Variants in SYNJ2 observed in about 807,000 individuals in gnomAD.
SYNJ2 encodes synaptojanin 2.
In SYNJ2, 116 loss-of-function variants were observed where a neutral mutation model predicts 141.3. The ratio of observed to expected loss-of-function variants is 0.82; its 90% CI spans 0.71 to 0.96. The LOEUF (loss-of-function observed/expected upper bound fraction) is 0.96. SYNJ2 is among the 40% of genes least tolerant of loss of function. The pLI, the probability that SYNJ2 is intolerant of heterozygous loss-of-function variation, is 0.00. For missense variants in SYNJ2, 1,873 were observed against 1,934.8 expected (o/e 0.97, Z 0.60); for synonymous variants, 745 against 777.7 (o/e 0.96, Z 0.70).
chr6:158,084,074 C>G lies in SYNJ2; in HGVS notation c.3108C>G (p.Leu1036=). ...FNQPGVSDSE[L]GGDDLSDVPG... is the part of the protein sequence containing the mutation. ...AGCCTGGAGTCTCGGACAGTGAACTCGGGGGAGACGACCTCTCTGATGTCC... is the reference window on the plus strand; with the variant it reads ...AGCCTGGAGTCTCGGACAGTGAACTGGGGGGAGACGACCTCTCTGATGTCC... Residue 1036 remains leucine, a synonymous_variant, in exon 22 of 27, where the codon CTC becomes CTG. Coordinates refer to ENST00000355585, the MANE Select transcript of SYNJ2 (RefSeq NM_003898.4). The surrounding 1 kb of genome is among the most constrained non-coding windows in gnomAD (Gnocchi z 5.0). The G allele has an allele frequency of 2.5e-6, 4 of 1,614,106 alleles. No homozygotes were observed. The South Asian group carries it at 4.4e-5, about 18-fold the overall frequency.
intron 1 of SYNJ2, among the ~76,000 whole-genome samples, chr6:158,015,284 G>C (rs111972875): frequency 6.6e-6 from 1 of 152,136 alleles, no homozygotes; most frequent in Non-Finnish European, 1.5e-5. Context: ...TGTGGGAGTC[G>C]AGGCAGCCTA....
At chr6:158,080,553 T>G (rs1782613457) in intron 18 of SYNJ2, among the ~76,000 whole-genome samples, 1 of 149,942 alleles carries the variant, frequency 6.7e-6, no homozygotes, top group Admixed American at 6.7e-5. Context: ...ATGATCAACC[T>G]CATGCATTAA....
At chr6:157,988,737 C>T (rs778556430) in intron 1 of SYNJ2, among the ~76,000 whole-genome samples, 37 of 152,196 alleles carry the variant, frequency 2.4e-4, no homozygotes, top group Non-Finnish European at 1.9e-4. Context: ...GGAATTTGAT[C>T]GGAGTCCCTT....
intron 1 of SYNJ2, among the ~76,000 whole-genome samples, chr6:158,016,357 G>A (rs758380466): frequency 1.3e-5 from 2 of 152,050 alleles, no homozygotes; most frequent in Non-Finnish European, 2.9e-5. Context: ...CAGGTGATCC[G>A]CCTGCCTTCG....
Position 158,071,139 on chromosome 6 carries a change from C to T in SYNJ2, c.1941-463C>T, listed in dbSNP as rs184188110. 7.9e-4 allele frequency among the ~76,000 whole-genome samples: 120 copies of T among 152,300 alleles called. No individual in the cohort carries two copies. Among genetic ancestry groups the T allele is most frequent in the Middle Eastern group, 6.8e-3 (2 of 294 alleles). ...CCACAGTTGCAGTGAGCTGAGATCACGCTGCTGCACTCCAGCCAGGGTGAC... is the reference window on the plus strand; with the variant it reads ...CCACAGTTGCAGTGAGCTGAGATCATGCTGCTGCACTCCAGCCAGGGTGAC... On this transcript the variant is annotated intron_variant, in intron 14 of 26. Transcript: ENST00000355585. This position sits in a 1 kb window ranked among gnomAD's most constrained non-coding sequence, Gnocchi z 4.3.
chr6:158,058,023 T>C (rs761256886), intron 6 of SYNJ2, among the ~76,000 whole-genome samples: 1 of 152,232 alleles, frequency 6.6e-6, no homozygotes, highest in Non-Finnish European at 1.5e-5. Context: ...CTACTGTCCC[T>C]TAAAGTTAGT....
At position 158,093,201 on chromosome 6, in the gene SYNJ2, C is replaced by T. The variant is rs187772085; in HGVS notation, c.3744+97C>T. The stretch of plus-strand genomic sequence containing the variant: ...CTGTAATCCCAGCACATTGGGAAGC[C>T]GAGGCAAGCGGATTACGAGGTCAGG... On this transcript the variant is annotated intron_variant, in intron 26 of 26. Coordinates refer to ENST00000355585, the MANE Select transcript of SYNJ2 (RefSeq NM_003898.4). The T allele has an allele frequency of 3.1e-5, 41 of 1,338,632 alleles. No individual in the cohort carries two copies. In the Admixed American group the frequency reaches 5.4e-4, roughly 18 times the overall value. The allele number at this position is 1,338,632 out of a possible 1,614,324, so 82.9% of individuals were successfully genotyped here.
intron 4 of SYNJ2, among the ~76,000 whole-genome samples, chr6:158,037,824 G>A (rs1310504678): frequency 6.6e-6 from 1 of 152,248 alleles, no homozygotes; most frequent in East Asian, 1.9e-4. Flanking sequence ...CCTGGGCCGC[G>A]GATGCTGGCT....
At chr6:158,090,531 T>G (rs919028590) in intron 25 of SYNJ2, among the ~76,000 whole-genome samples, 3 of 131,380 alleles carry the variant, frequency 2.3e-5, no homozygotes, top group Non-Finnish European at 5.0e-5. Flanking sequence ...CTTTTCTTCG[T>G]TTTTTTTTTT....
chr6:158,021,106 T>G (rs182669163), intron 2 of SYNJ2, among the ~76,000 whole-genome samples: 156 of 152,266 alleles, frequency 1.0e-3, no homozygotes, highest in Non-Finnish European at 7.9e-4. Flanking sequence ...TCCCAATGAT[T>G]ATAGCAATTT....
At position 158,085,847 on chromosome 6, in the gene SYNJ2, G is replaced by A. The variant is rs970284101; in HGVS notation, c.3209-1008G>A. ...AAGCAGCAGCCTTCGCCGGAGCATCGCGGTGGTTCTGCACGTTGCTCCTGC... is the reference window on the plus strand; with the variant it reads ...AAGCAGCAGCCTTCGCCGGAGCATCACGGTGGTTCTGCACGTTGCTCCTGC... On this transcript the variant is annotated intron_variant, in intron 22 of 26. Coordinates refer to ENST00000355585, the MANE Select transcript of SYNJ2 (RefSeq NM_003898.4). Among the ~76,000 whole-genome samples, 7 of 152,224 alleles carry A rather than the reference G, an allele frequency of 4.6e-5. No homozygotes were observed. The South Asian group carries it at 8.3e-4, about 18-fold the overall frequency.
intron 5 of SYNJ2, among the ~76,000 whole-genome samples, chr6:158,052,080 G>C (rs1256740881): frequency 6.6e-6 from 1 of 152,090 alleles, no homozygotes; most frequent in East Asian, 1.9e-4. Flanking sequence ...TCTGAGATGG[G>C]GCAGTTGTAT....
intron 4 of SYNJ2, among the ~76,000 whole-genome samples, chr6:158,038,560 G>C (rs946778404): frequency 6.6e-6 from 1 of 152,228 alleles, no homozygotes; most frequent in African/African-American, 2.4e-5. Flanking sequence ...ATCCATCGGA[G>C]ACCCCGGACA....
In SYNJ2 at chr6:158,086,090, G is replaced by A. The variant is rs184771604; in HGVS notation, c.3209-765G>A. Among the ~76,000 whole-genome samples, 10 of 152,298 alleles carry A rather than the reference G, an allele frequency of 6.6e-5. No individual in the cohort carries two copies. In the East Asian group the frequency reaches 1.9e-3, roughly 29 times the overall value. On this transcript the variant is annotated intron_variant, in intron 22 of 26. Coordinates refer to ENST00000355585, the MANE Select transcript of SYNJ2 (RefSeq NM_003898.4). ...ATTGAGAGGGTCTTCCCTTGATGCT[G>A]TGGGGTGTTCAGCCATTCCCATTTG... is the stretch of plus-strand genomic sequence containing the variant.
At chr6:158,012,787 C>T (rs979842394) in intron 1 of SYNJ2, among the ~76,000 whole-genome samples, 1 of 152,130 alleles carries the variant, frequency 6.6e-6, no homozygotes, top group Non-Finnish European at 1.5e-5. Flanking sequence ...TCTAAGTGAT[C>T]CTGAGAACCT....
At chr6:158,008,955 C>T (rs1213045460) in intron 1 of SYNJ2, among the ~76,000 whole-genome samples, 1 of 152,216 alleles carries the variant, frequency 6.6e-6, no homozygotes, top group Non-Finnish European at 1.5e-5. Context: ...GCCACTTCCT[C>T]CATGAACCTT....
chr6:158,071,885 C>T lies in SYNJ2; in HGVS notation c.2133+91C>T. The stretch of plus-strand genomic sequence containing the variant: ...TAGGAGCCAGGCACTGGGGACACAA[C>T]CACAGGGAGGGCCCCTTCCTGGAGG... On this transcript the variant is annotated intron_variant, in intron 15 of 26. Transcript: ENST00000355585. This position sits in a 1 kb window ranked among gnomAD's most constrained non-coding sequence, Gnocchi z 4.3. 2.1e-6 allele frequency: 3 copies of T among 1,431,900 alleles called. No homozygotes were observed. The highest frequency in any genetic ancestry group is 2.8e-6 in the Non-Finnish European group (3 of 1,062,242). The allele number at this position is 1,431,900 out of a possible 1,614,324, so 88.7% of individuals were successfully genotyped here.
At chr6:158,073,916 A>AG (rs1562385337) in intron 15 of SYNJ2, among the ~76,000 whole-genome samples, 1 of 142,928 alleles carries the variant, frequency 7.0e-6, no homozygotes, top group Non-Finnish European at 1.5e-5. Flanking sequence ...TTTTTTTTTA[A>AG]TCTAAGAGAG....
intron 16 of SYNJ2, among the ~76,000 whole-genome samples, chr6:158,075,639 C>T (rs1284195669): frequency 7.3e-6 from 1 of 136,446 alleles, no homozygotes; most frequent in Admixed American, 7.4e-5. Context: ...AACTCCGTCT[C>T]AAAAAAAAAA....
Sources: gnomAD v4.1 joint callset for allele counts (sites outside exome capture counted in the v4.1 genomes callset) on GRCh38, gnomAD v4.1.1 for gene constraint, Gnocchi (gnomAD v3.1) non-coding constraint, MANE v1.5 for transcripts, NCBI Gene and HGNC (gene_info 2026-07-23, HGNC 2026-07-21) for gene names.